The following LARGE1 variants were observed in gnomAD, a reference collection of about 807,000 sequenced individuals.
LARGE1 encodes the protein LARGE xylosyl- and glucuronyltransferase 1, also known as xylosyl- and glucuronyltransferase LARGE1.
LARGE1 carries 43 observed loss-of-function variants against 87.6 expected under a neutral mutation model. That is an observed-to-expected ratio of 0.49 (90% confidence interval 0.38 to 0.63). LARGE1 has a LOEUF of 0.63. Among genes scored for constraint, LARGE1 ranks in the 30% least tolerant of loss-of-function variants. The pLI is 0.00. For synonymous variants in LARGE1, 434 were observed against 394.6 expected, an observed-to-expected ratio of 1.10 and a Z score of -1.18; for missense variants, 802 against 1,000.2, an observed-to-expected ratio of 0.80 and a Z score of 2.67.
intron 11 of LARGE1, among the ~76,000 whole-genome samples, chr22:33,266,331 C>A (rs1050623087): frequency 6.8e-6 from 1 of 147,064 alleles, no homozygotes; most frequent in African/African-American, 2.6e-5. Context: ...AAGCGATTAT[C>A]CTGCCTCAGC....
At chr22:33,280,672 C>T (rs60775913) in intron 13 of LARGE1, among the ~76,000 whole-genome samples, 2 of 152,054 alleles carry the variant, frequency 1.3e-5, no homozygotes, top group Admixed American at 6.6e-5. Flanking sequence ...TAAAACAAGC[C>T]CCAGCCTGTG....
intron 7 of LARGE1, among the ~76,000 whole-genome samples, chr22:33,407,197 G>T (rs139879626): frequency 2.0e-5 from 3 of 152,276 alleles, no homozygotes; most frequent in Admixed American, 6.5e-5. Context: ...TGAGCAGGCT[G>T]GAGTGCAGTG....
chr22:33,145,308 T>C, the LARGE1 span, among the ~76,000 whole-genome samples: 3 of 152,186 alleles, frequency 2.0e-5, no homozygotes, highest in African/African-American at 4.8e-5. Flanking sequence ...CAATGGGCCA[T>C]TACCAGGACC....
At position 33,361,535 on chromosome 22, in the gene LARGE1, A is replaced by G. The variant is rs567172903; in HGVS notation, c.1131+20384T>C. On this transcript the variant is annotated intron_variant, in intron 9 of 14. Transcript: ENST00000397394. ...GAGATATGAGCAGGGGAGGAGCAGC[A>G]GTTTTCACAGGACTGTGGAGAGGGG... 2.6e-4 allele frequency among the ~76,000 whole-genome samples: 39 copies of G among 149,624 alleles called. 4 individuals carry two copies. The highest frequency in any genetic ancestry group is 9.1e-4 in the African/African-American group (37 of 40,756).
chr22:33,285,711 G>A lies in LARGE1; in HGVS notation c.1731-2363C>T, dbSNP rs572933389. ...TCACTCAACCAGACGTTGAGCCTGT[G>A]CATTAGCAGGGACTAGAGCTGGCGT... is the stretch of plus-strand genomic sequence containing the variant. On this transcript the variant is annotated intron_variant, in intron 12 of 14. Transcript: ENST00000397394. Among the ~76,000 whole-genome samples the A allele has an allele frequency of 5.3e-5, 8 of 152,322 alleles. No homozygotes were observed. The East Asian group carries it at 5.8e-4, about 11-fold the overall frequency.
intron 11 of LARGE1, among the ~76,000 whole-genome samples, chr22:33,254,976 C>T (rs1199845877): frequency 6.8e-6 from 1 of 146,344 alleles, no homozygotes; most frequent in African/African-American, 2.6e-5. Context: ...CTCACTCCGT[C>T]ACCCAGGCTG....
chr22:33,705,105 A>G (rs1474644499), intron 2 of LARGE1, among the ~76,000 whole-genome samples: 1 of 152,152 alleles, frequency 6.6e-6, no homozygotes, highest in Non-Finnish European at 1.5e-5. Context: ...ATAAATTAGA[A>G]AGCTACACGT....
chr22:33,187,792 C>G (rs967407876), intron 11 of LARGE1, among the ~76,000 whole-genome samples: 1 of 151,456 alleles, frequency 6.6e-6, no homozygotes, highest in Admixed American at 6.6e-5. Context: ...GGCATGGTGG[C>G]GGGTGCCTGT....
intron 6 of LARGE1, among the ~76,000 whole-genome samples, chr22:33,443,872 C>T (rs555129332): frequency 4.7e-4 from 71 of 152,364 alleles, no homozygotes; most frequent in Non-Finnish European, 8.5e-4. Flanking sequence ...ACTCCCAGGA[C>T]GCATGGCTGC....
intron 6 of LARGE1, among the ~76,000 whole-genome samples, chr22:33,517,879 A>T (rs546338822): frequency 5.3e-5 from 8 of 152,366 alleles, no homozygotes; most frequent in African/African-American, 1.9e-4. Context: ...CAACAAGAGC[A>T]GCTTCATCTG....
At chr22:33,222,285 G>A (rs746021414) in intron 11 of LARGE1, among the ~76,000 whole-genome samples, 6 of 152,216 alleles carry the variant, frequency 3.9e-5, no homozygotes, top group Non-Finnish European at 8.8e-5. Flanking sequence ...GACAGCCAGG[G>A]TTAGGGGTGA....
At chr22:33,460,722 A>C (rs1215793316) in intron 6 of LARGE1, among the ~76,000 whole-genome samples, 1 of 152,222 alleles carries the variant, frequency 6.6e-6, no homozygotes, top group Non-Finnish European at 1.5e-5. Context: ...GATGAAGAGC[A>C]GGATTACATA....
At chr22:33,804,926 C>G (rs1292726861) in intron 1 of LARGE1, among the ~76,000 whole-genome samples, 1 of 152,218 alleles carries the variant, frequency 6.6e-6, no homozygotes, top group Admixed American at 6.5e-5. Flanking sequence ...TCCAGAACTC[C>G]TGGCTCATAT....
At chr22:33,806,303 CA>C (rs2086307777) in intron 1 of LARGE1, among the ~76,000 whole-genome samples, 1 of 152,142 alleles carries the variant, frequency 6.6e-6, no homozygotes, top group South Asian at 2.1e-4. Context: ...ATACCGAAAC[CA>C]AAACCAGAAG....
Position 33,277,186 on chromosome 22 carries a change from G to A in LARGE1, c.1947C>T (p.Tyr649=), listed in dbSNP as rs1402173167. 4 of 1,614,250 alleles carry A rather than the reference G, an allele frequency of 2.5e-6. No homozygotes were observed. The highest frequency in any genetic ancestry group is 3.4e-6 in the Non-Finnish European group (4 of 1,180,038). Residue 649 remains tyrosine (Y), a synonymous_variant, in exon 14 of 15, where the codon TAC becomes TAT. Coordinates refer to ENST00000397394, the MANE Select transcript of LARGE1 (RefSeq NM_133642.5). ...CAAAATCGGCCTCCCACTCAACCCG[G>A]TAAGGCGTGGTGGCGGTCCGCCACT... ...FAKWRTATTP[Y]RVEWEADFEP... is the part of the protein sequence containing the mutation.
intron 6 of LARGE1, among the ~76,000 whole-genome samples, chr22:33,502,383 C>T (rs75965227): frequency 0.053 from 8,112 of 151,930 alleles, 318 homozygotes; most frequent in Admixed American, 0.076. Flanking sequence ...GGGCCAGAGA[C>T]GGAGGGAGAA....
At chr22:33,785,911 A>G (rs1008102160) in intron 1 of LARGE1, among the ~76,000 whole-genome samples, 7 of 152,318 alleles carry the variant, frequency 4.6e-5, no homozygotes, top group Non-Finnish European at 7.3e-5. Context: ...ATATTTAGAC[A>G]TGCTGTATTA....
At chr22:33,104,891 CTTTCTTTCTT>C in the LARGE1 span, among the ~76,000 whole-genome samples, 80 of 45,882 alleles carry the variant, frequency 1.7e-3, no homozygotes, top group African/African-American at 6.6e-3. Flanking sequence ...CTTTCTCTCT[CTTTCTTTCTT>C]TCTTTCTTTC....
At chr22:33,473,713 G>A (rs5998955) in intron 6 of LARGE1, among the ~76,000 whole-genome samples, 30,457 of 151,084 alleles carry the variant, frequency 0.2, 3,145 homozygotes, top group East Asian at 0.29. Flanking sequence ...CAAAGTGCTG[G>A]GATTACAGGC....
Sources: gnomAD v4.1 joint callset for allele counts (sites outside exome capture counted in the v4.1 genomes callset) on GRCh38, gnomAD v4.1.1 for gene constraint, MANE v1.5 for transcripts, NCBI Gene and HGNC (gene_info 2026-07-23, HGNC 2026-07-21) for gene names.